Variants in SLC39A14 observed in about 807,000 individuals in gnomAD.
SLC39A14 encodes the protein metal cation symporter ZIP14.
Under a neutral mutation model 45.5 loss-of-function variants are expected in SLC39A14, and 19 were observed. The ratio of observed to expected loss-of-function variants is 0.42; its 90% CI spans 0.29 to 0.61. SLC39A14 has a LOEUF of 0.61. Among genes scored for constraint, SLC39A14 ranks in the 20% least tolerant of loss-of-function variants. SLC39A14 has a pLI of 0.22. For synonymous variants in SLC39A14, 264 were observed against 251.3 expected (o/e 1.05, Z -0.48); for missense variants, 447 against 616.5 (o/e 0.73, Z 2.91).
chr8:22,424,136 T>C (rs1836342381), downstream of SLC39A14, among the ~76,000 whole-genome samples: 1 of 152,194 alleles, frequency 6.6e-6, no homozygotes, highest in African/African-American at 2.4e-5. Flanking sequence ...CTGTGTTGCA[T>C]GATAGAAGAA....
chr8:22,425,201 G>C (rs1438523257), downstream of SLC39A14, among the ~76,000 whole-genome samples: 1 of 152,140 alleles, frequency 6.6e-6, no homozygotes, highest in Non-Finnish European at 1.5e-5. Flanking sequence ...AAGTTTGAGA[G>C]AGGTGTACTT....
downstream of SLC39A14, among the ~76,000 whole-genome samples, chr8:22,426,658 T>C (rs902485350): frequency 6.6e-6 from 1 of 152,164 alleles, no homozygotes; most frequent in Non-Finnish European, 1.5e-5. Context: ...AGGAGTTTTT[T>C]TGATGAAGTA....
intron 3 of SLC39A14, among the ~76,000 whole-genome samples, chr8:22,409,130 T>G (rs1835409723): frequency 6.6e-6 from 1 of 151,406 alleles, no homozygotes; most frequent in Non-Finnish European, 1.5e-5. Context: ...CTACTTTGGT[T>G]TTATAGTTTT....
At position 22,411,559 on chromosome 8, in the gene SLC39A14, C is replaced by T. The variant is rs570110167; in HGVS notation, c.458-478C>T. Among the ~76,000 whole-genome samples the T allele has an allele frequency of 7.2e-5, 11 of 152,334 alleles. No homozygotes were observed. The South Asian group carries it at 1.0e-3, about 14-fold the overall frequency. ...TGTGAATTGGACATGCAAAAGCAAACGCAGCAGCAGAGTGATCAGCCTCTT... is the reference window on the plus strand; with the variant it reads ...TGTGAATTGGACATGCAAAAGCAAATGCAGCAGCAGAGTGATCAGCCTCTT... On this transcript the variant is annotated intron_variant, in intron 3 of 8. Transcript: ENST00000381237.
Position 22,417,899 on chromosome 8 carries a change from T to A in SLC39A14, c.1332+64T>A, listed in dbSNP as rs1835986664. 5.1e-6 allele frequency: 7 copies of A among 1,377,802 alleles called. No individual in the cohort carries two copies. In the Admixed American group the frequency reaches 9.3e-5, roughly 18 times the overall value. 85.3% of individuals were successfully genotyped at this position (1,377,802 alleles called of 1,614,324 possible). A position where few individuals can be genotyped will look rare whatever the true frequency, so the allele number is the denominator to read the frequency against. On this transcript the variant is annotated intron_variant, in intron 8 of 8. Transcript: ENST00000381237. Reference sequence around the variant, plus strand: ...AGGGGATGGATGTTAGGTAGGTAGTTTTTTTTTATTTTTATTTTTTTGAGA... The same window carrying A: ...AGGGGATGGATGTTAGGTAGGTAGTATTTTTTTATTTTTATTTTTTTGAGA...
At chr8:22,387,731 C>T (rs1378077163) in intron 1 of SLC39A14, among the ~76,000 whole-genome samples, 1 of 152,154 alleles carries the variant, frequency 6.6e-6, no homozygotes, top group African/African-American at 2.4e-5. Context: ...TGTGTGTGCC[C>T]TAGGCAGCCT....
At chr8:22,376,659 G>A (rs1208320861) in intron 1 of SLC39A14, among the ~76,000 whole-genome samples, 1 of 152,000 alleles carries the variant, frequency 6.6e-6, no homozygotes, top group Non-Finnish European at 1.5e-5. Flanking sequence ...GCAGGCAAAG[G>A]CCGACGTCGG....
Position 22,422,425 on chromosome 8 carries a change from C to T in SLC39A14, c.*2727C>T. 1 of 985,818 alleles carries T rather than the reference C, an allele frequency of 1.0e-6. No homozygotes were observed. The allele number at this position is 985,818 out of a possible 1,614,324, so 61.1% of individuals were successfully genotyped here. A position where few individuals can be genotyped will look rare whatever the true frequency, so the allele number is the denominator to read the frequency against. The stretch of plus-strand genomic sequence containing the variant: ...CTTCTCTGTTTGGGTAGCGTAAGAG[C>T]TGAGTATAGTAAGTCCTCTTCCAAA... On this transcript the variant is annotated 3_prime_UTR_variant, in exon 9 of 9. Transcript: ENST00000381237.
At chr8:22,371,149 G>A (rs1323407749) in intron 1 of SLC39A14, among the ~76,000 whole-genome samples, 1 of 152,154 alleles carries the variant, frequency 6.6e-6, no homozygotes, top group East Asian at 1.9e-4. Context: ...CACAGAATTG[G>A]CCTGCCCAAG....
At chr8:22,377,286 TTAAG>T (rs1424457001) in intron 1 of SLC39A14, among the ~76,000 whole-genome samples, 2 of 152,200 alleles carry the variant, frequency 1.3e-5, no homozygotes, top group African/African-American at 4.8e-5. Flanking sequence ...ATTTTTTTTT[TTAAG>T]TGTTTCCTTA....
chr8:22,431,613 A>G (rs4872495), intron 8 of SLC39A14, among the ~76,000 whole-genome samples: 44,446 of 152,200 alleles, frequency 0.29, 7,038 homozygotes, highest in East Asian at 0.5. Context: ...ACCAAAGCTC[A>G]CAAGCCCTGT....
chr8:22,393,540 G>A (rs577571697), intron 1 of SLC39A14, among the ~76,000 whole-genome samples: 4 of 152,298 alleles, frequency 2.6e-5, no homozygotes, highest in South Asian at 4.1e-4. Flanking sequence ...TTCTGATTTC[G>A]TAAACTGGGA....
exon 9 of SLC39A14, chr8:22,434,127 A>G (rs1836509092): frequency 6.2e-6 from 1 of 162,236 alleles, no homozygotes; most frequent in Non-Finnish European, 1.4e-5. Context: ...TTCTAATTTA[A>G]AATATGGTAT....
chr8:22,372,822 G>T (rs1214048610), intron 1 of SLC39A14, among the ~76,000 whole-genome samples: 2 of 151,952 alleles, frequency 1.3e-5, no homozygotes, highest in Non-Finnish European at 2.9e-5. Flanking sequence ...ATTTTTTTGA[G>T]ACATGGTCTC....
chr8:22,411,998 C>CAG, intron 3 of SLC39A14, 39 bp from the exon 4 acceptor site: 1 of 1,535,738 alleles, frequency 6.5e-7, no homozygotes, highest in African/African-American at 1.4e-5. Context: ...GCCTTCTCTC[C>CAG]CTGCCCTGGG....
intron 1 of SLC39A14, among the ~76,000 whole-genome samples, chr8:22,379,882 T>C (rs1833407748): frequency 6.7e-6 from 1 of 148,576 alleles, no homozygotes; most frequent in Admixed American, 6.8e-5. Flanking sequence ...TGAGCCAAGG[T>C]TGTGCCACTG....
At chr8:22,391,587 T>G (rs986855853) in intron 1 of SLC39A14, among the ~76,000 whole-genome samples, 1 of 151,876 alleles carries the variant, frequency 6.6e-6, no homozygotes, top group Non-Finnish European at 1.5e-5. Context: ...TTTTTTCTTT[T>G]GAGATGGAGT....
intron 5 of SLC39A14, 88 bp downstream of exon 5, chr8:22,414,990 G>A: frequency 6.9e-7 from 1 of 1,449,294 alleles, no homozygotes; most frequent in Non-Finnish European, 9.5e-7. Context: ...TGGTGGTGAT[G>A]GTCTTAGCCC....
intron 1 of SLC39A14, among the ~76,000 whole-genome samples, chr8:22,386,267 C>CTT (rs113517662): frequency 1.5e-5 from 2 of 131,986 alleles, no homozygotes; most frequent in African/African-American, 5.6e-5. Flanking sequence ...AGAAGGATGA[C>CTT]TTTTTTTTTT....
Sources: gnomAD v4.1 joint callset for allele counts (sites outside exome capture counted in the v4.1 genomes callset) on GRCh38, gnomAD v4.1.1 for gene constraint, MANE v1.5 for transcripts, NCBI Gene and HGNC (gene_info 2026-07-23, HGNC 2026-07-21) for gene names.